The following FIGN variants were observed in gnomAD, a reference collection of about 807,000 sequenced individuals.
FIGN encodes fidgetin.
Under a neutral mutation model 51.3 loss-of-function variants are expected in FIGN, and 11 were observed. That is an observed-to-expected ratio of 0.21 (90% confidence interval 0.13 to 0.35). The LOEUF (loss-of-function observed/expected upper bound fraction) is 0.35, where lower values mean the gene tolerates loss of function less well. FIGN is among the 10% of genes least tolerant of loss of function. The probability of loss-of-function intolerance (pLI) is 1.00; values close to 1 mark genes in which losing one functional copy is unlikely to be tolerated. For missense variants in FIGN, 857 were observed against 943.6 expected, an observed-to-expected ratio of 0.91 and a Z score of 1.20; for synonymous variants, 407 against 363.2, an observed-to-expected ratio of 1.12 and a Z score of -1.37.
At chr2:163,684,939 ATTTTTTT>A (rs548647272) in intron 2 of FIGN, among the ~76,000 whole-genome samples, 10 of 119,452 alleles carry the variant, frequency 8.4e-5, no homozygotes, top group East Asian at 2.6e-4. Context: ...ATGCCTGGCT[ATTTTTTT>A]TTTTTTTTTT....
Position 163,700,024 on chromosome 2 carries a change from C to T in FIGN, c.25+34879G>A, listed in dbSNP as rs1364899978. ...GAAATTATGATTGGAAGAAGAGATACAGAAAATTGGAAAGGAAAGAAGGAG... is the reference window on the plus strand; with the variant it reads ...GAAATTATGATTGGAAGAAGAGATATAGAAAATTGGAAAGGAAAGAAGGAG... On this transcript the variant is annotated intron_variant, in intron 2 of 2. Transcript: ENST00000333129. 6.6e-5 allele frequency among the ~76,000 whole-genome samples: 10 copies of T among 151,616 alleles called. No homozygotes were observed. In the South Asian group the frequency reaches 1.7e-3, roughly 25 times the overall value.
chr2:163,626,560 T>A (rs1406185547), intron 2 of FIGN, among the ~76,000 whole-genome samples: 5 of 152,198 alleles, frequency 3.3e-5, no homozygotes, highest in Admixed American at 6.6e-5. Flanking sequence ...TGGTGGGTTT[T>A]AAAAATAACT....
chr2:163,617,774 C>T (rs1001925474), intron 2 of FIGN, among the ~76,000 whole-genome samples: 29 of 152,118 alleles, frequency 1.9e-4, no homozygotes, highest in Non-Finnish European at 5.9e-5. Context: ...ATCATACTCA[C>T]TCAGCTGTGA....
chr2:163,660,351 C>T (rs1184478620), intron 2 of FIGN, among the ~76,000 whole-genome samples: 1 of 151,912 alleles, frequency 6.6e-6, no homozygotes, highest in Non-Finnish European at 1.5e-5. Flanking sequence ...ACTTCCTTCT[C>T]ATTGATGGTA....
chr2:163,612,702 G>A (rs1682781782), intron 2 of FIGN: 1 of 437,370 alleles, frequency 2.3e-6, no homozygotes, highest in African/African-American at 2.2e-5. Flanking sequence ...ATGTGTGTGT[G>A]TGTGTGTGTG....
At chr2:163,635,307 C>T (rs139633848) in intron 2 of FIGN, among the ~76,000 whole-genome samples, 24 of 152,260 alleles carry the variant, frequency 1.6e-4, no homozygotes, top group Non-Finnish European at 2.1e-4. Context: ...GTGGTTCACA[C>T]CTGTAATTCC....
chr2:163,724,510 A>ATTAT (rs34775500), intron 2 of FIGN, among the ~76,000 whole-genome samples: 41,208 of 151,310 alleles, frequency 0.27, 7,419 homozygotes, highest in African/African-American at 0.52. Flanking sequence ...AAGTTTTTTT[A>ATTAT]TTATTTATTT....
intron 2 of FIGN, among the ~76,000 whole-genome samples, chr2:163,693,628 C>T (rs1168907391): frequency 6.6e-6 from 1 of 152,158 alleles, no homozygotes; most frequent in African/African-American, 2.4e-5. Flanking sequence ...TACACACACA[C>T]ACTTACGCAC....
In FIGN at chr2:163,610,038, T is replaced by C. The variant is rs1251461659; in HGVS notation, c.1794A>G (p.Glu598=). 3.1e-6 allele frequency: 5 copies of C among 1,614,158 alleles called. No homozygotes were observed. The highest frequency in any genetic ancestry group is 4.2e-6 in the Non-Finnish European group (5 of 1,180,006). Residue 598 remains glutamate, a synonymous_variant, in exon 3 of 3, where the codon GAA becomes GAG. Transcript: ENST00000333129. ...DMLLSSQVNE[E]HSPVSRMRTE... ...TTCTCATCCGACTGACTGGACTATGTTCCTCATTCACTTGAGAGGAGAGAA... is the reference window on the plus strand; with the variant it reads ...TTCTCATCCGACTGACTGGACTATGCTCCTCATTCACTTGAGAGGAGAGAA...
chr2:163,632,290 T>A (rs954941739), intron 2 of FIGN, among the ~76,000 whole-genome samples: 3 of 152,212 alleles, frequency 2.0e-5, no homozygotes, highest in African/African-American at 7.2e-5. Context: ...AAGCGTGGGT[T>A]CAAATATCGA....
chr2:163,693,612 A>G (rs1684270448), intron 2 of FIGN, among the ~76,000 whole-genome samples: 1 of 152,142 alleles, frequency 6.6e-6, no homozygotes, highest in Non-Finnish European at 1.5e-5. Flanking sequence ...AAACCTACAG[A>G]TAACATACAC....
Position 163,721,909 on chromosome 2 carries a change from A to C in FIGN, c.25+12994T>G, listed in dbSNP as rs915147988. On this transcript the variant is annotated intron_variant, in intron 2 of 2. Coordinates refer to ENST00000333129, the MANE Select transcript of FIGN (RefSeq NM_018086.4). ...AAATGCTTTTCTCTGGTACATCTTT[A>C]GGTTTAAAAACACAAATATGAAATA... 2.0e-5 allele frequency among the ~76,000 whole-genome samples: 3 copies of C among 152,338 alleles called. No homozygotes were observed. The South Asian group carries it at 6.2e-4, about 32-fold the overall frequency.
chr2:163,683,257 T>A (rs1485785531), intron 2 of FIGN, among the ~76,000 whole-genome samples: 1 of 152,196 alleles, frequency 6.6e-6, no homozygotes, highest in Non-Finnish European at 1.5e-5. Flanking sequence ...ATAGGAAATA[T>A]AAGATATCAG....
At position 163,625,208 on chromosome 2, in the gene FIGN, T is replaced by C. The variant is rs1316437767; in HGVS notation, c.26-13402A>G. ...ATTCCTATACTTCAGAAAAAAGCCT[T>C]GCAGTCATTGGATTATACATGAAAA... On this transcript the variant is annotated intron_variant, in intron 2 of 2. Transcript: ENST00000333129. 2.0e-5 allele frequency among the ~76,000 whole-genome samples: 3 copies of C among 151,952 alleles called. No individual in the cohort carries two copies. The East Asian group carries it at 5.8e-4, about 29-fold the overall frequency.
At chr2:163,693,711 T>TA (rs1461798040) in intron 2 of FIGN, among the ~76,000 whole-genome samples, 1 of 152,150 alleles carries the variant, frequency 6.6e-6, no homozygotes. Context: ...GGAATACTAG[T>TA]AAAAACAAAA....
intron 2 of FIGN, among the ~76,000 whole-genome samples, chr2:163,631,697 C>T (rs543654235): frequency 6.6e-6 from 1 of 151,932 alleles, no homozygotes; most frequent in African/African-American, 2.4e-5. Flanking sequence ...TCAAATGTAC[C>T]CCCTACTAGA....
At position 163,611,164 on chromosome 2, in the gene FIGN, G is replaced by A; in HGVS notation, c.668C>T (p.Pro223Leu). The A allele has an allele frequency of 6.2e-7, 1 of 1,614,138 alleles. No homozygotes were observed. Among genetic ancestry groups the A allele is most frequent in the Non-Finnish European group, 8.5e-7 (1 of 1,180,012 alleles). ...GGCTGGTGGCGGAGGAGGTGGTGGTGGGGGCTGTAGTAGCCCAGAGCTATG... is the reference window on the plus strand; with the variant it reads ...GGCTGGTGGCGGAGGAGGTGGTGGTAGGGGCTGTAGTAGCCCAGAGCTATG... ...PLHSSGLLQPPPPPPPPPALV... is the reference protein window; with the variant it reads ...PLHSSGLLQPLPPPPPPPALV... The change falls in exon 3 of 3, where the codon CCA becomes CTA. Residue 223 changes from proline to leucine, a missense_variant. Physicochemically the swap from Pro to Leu is moderately conservative, Grantham distance 98 (BLOSUM62 -3). Transcript: ENST00000333129.
chr2:163,630,645 C>A, intron 2 of FIGN, among the ~76,000 whole-genome samples: 1 of 147,932 alleles, frequency 6.8e-6, no homozygotes, highest in Non-Finnish European at 1.5e-5. Flanking sequence ...AACTGCATTC[C>A]CAGATTTAGC....
chr2:163,716,519 A>G (rs1402115351), intron 2 of FIGN, among the ~76,000 whole-genome samples: 1 of 152,238 alleles, frequency 6.6e-6, no homozygotes, highest in African/African-American at 2.4e-5. Context: ...AAAAGAAAAG[A>G]AAAACAGCAA....
Sources: gnomAD v4.1 joint callset for allele counts (sites outside exome capture counted in the v4.1 genomes callset) on GRCh38, gnomAD v4.1.1 for gene constraint, MANE v1.5 for transcripts, NCBI Gene and HGNC (gene_info 2026-07-23, HGNC 2026-07-21) for gene names.